KIF26B: variants seen among roughly 807,000 people sequenced by gnomAD.
KIF26B encodes the protein kinesin family member 26B, also known as kinesin-like protein KIF26B.
In KIF26B, 63 loss-of-function variants were observed where a neutral mutation model predicts 151.2. That is an observed-to-expected ratio of 0.42 (90% CI 0.34 to 0.51). KIF26B has a LOEUF of 0.51. KIF26B is among the 20% of genes least tolerant of loss of function. The pLI, the probability that KIF26B is intolerant of heterozygous loss-of-function variation, is 0.07. For synonymous variants in KIF26B, 1,357 were observed against 1,262.1 expected (o/e 1.08, Z -1.59); for missense variants, 2,813 against 2,913.6 (o/e 0.97, Z 0.79).
At chr1:245,262,998 G>GT (rs1670675749) in intron 2 of KIF26B, among the ~76,000 whole-genome samples, 3 of 152,324 alleles carry the variant, frequency 2.0e-5, no homozygotes, top group South Asian at 2.1e-4. Flanking sequence ...GAAAAATTCT[G>GT]TAAGTATTCA....
intron 2 of KIF26B, among the ~76,000 whole-genome samples, chr1:245,229,989 TG>T (rs1276620693): frequency 9.2e-5 from 14 of 151,956 alleles, no homozygotes; most frequent in Non-Finnish European, 1.5e-4. Flanking sequence ...AAAAATTAGC[TG>T]GGCGTGGCGG....
rs564228582 is a variant in KIF26B, at chr1:245,293,311, T to A, written c.466-73523T>A. On this transcript the variant is annotated intron_variant, in intron 2 of 14. Coordinates refer to ENST00000407071, the MANE Select transcript of KIF26B (RefSeq NM_018012.4). ...GATGACACTGGGATTGACACTATGC[T>A]GCAGGAGGGGGTGGTTGACGGCCAC... 3.9e-5 allele frequency among the ~76,000 whole-genome samples: 6 copies of A among 152,218 alleles called. 1 individual carries two copies. In the South Asian group the frequency reaches 1.2e-3, roughly 32 times the overall value.
chr1:245,410,359 G>T (rs1244464816), intron 3 of KIF26B, among the ~76,000 whole-genome samples: 1 of 152,198 alleles, frequency 6.6e-6, no homozygotes, highest in African/African-American at 2.4e-5. Flanking sequence ...TGGTCCTTAT[G>T]ACCACACTCT....
intron 2 of KIF26B, among the ~76,000 whole-genome samples, chr1:245,176,162 G>T (rs527667969): frequency 6.6e-6 from 1 of 151,998 alleles, no homozygotes; most frequent in African/African-American, 2.4e-5. Flanking sequence ...ACCACGCCCA[G>T]CTAATTTTGT....
Position 245,479,011 on chromosome 1 carries a change from G to C in KIF26B, c.1166+59266G>C, listed in dbSNP as rs1278245448. ...GCTGCCATTAAATGAGATGGGGAGG[G>C]GTCCTGAGGGATCAGGAGCGCAGCT... On this transcript the variant is annotated intron_variant, in intron 4 of 14. Coordinates refer to ENST00000407071, the MANE Select transcript of KIF26B (RefSeq NM_018012.4). Among the ~76,000 whole-genome samples, 2 of 151,758 alleles carry C rather than the reference G, an allele frequency of 1.3e-5. 1 individual carries two copies. The highest frequency in any genetic ancestry group is 2.9e-5 in the Non-Finnish European group (2 of 67,816).
intron 4 of KIF26B, among the ~76,000 whole-genome samples, chr1:245,470,592 G>T (rs972433049): frequency 6.6e-6 from 1 of 151,852 alleles, no homozygotes; most frequent in Admixed American, 6.6e-5. Context: ...CACCACGCCC[G>T]GCTAATTTTT....
At chr1:245,360,591 A>G (rs752579663) in intron 2 of KIF26B, among the ~76,000 whole-genome samples, 3 of 152,238 alleles carry the variant, frequency 2.0e-5, no homozygotes, top group Non-Finnish European at 2.9e-5. Flanking sequence ...AGATTTGTGA[A>G]AAATGGCTCC....
intron 2 of KIF26B, among the ~76,000 whole-genome samples, chr1:245,255,405 A>G (rs1405532672): frequency 6.6e-6 from 1 of 152,190 alleles, no homozygotes; most frequent in Non-Finnish European, 1.5e-5. Context: ...ATTCCTGTTG[A>G]GATTCCTGAT....
rs1673680916 is a variant in KIF26B, at chr1:245,390,943, A to AAAAAAAAAACAAAACAAAACAAAAC, written c.999+23586_999+23587insAAAACAAAACAAAACAAAAAAAAAC. Among the ~76,000 whole-genome samples, 77 of 118,434 alleles carry AAAAAAAAAACAAAACAAAACAAAAC rather than the reference A, an allele frequency of 6.5e-4. 5 individuals are homozygous for AAAAAAAAAACAAAACAAAACAAAAC. The highest frequency in any genetic ancestry group is 2.9e-3 in the African/African-American group (70 of 24,424). 77.7% of individuals were successfully genotyped at this position (118,434 alleles called of 152,430 possible). A position where few individuals can be genotyped will look rare whatever the true frequency, so the allele number is the denominator to read the frequency against. ...TCTCAAAAAAAAAAAAAAAAAAAAAAAAAAAAAAACCACCATAAAATTTTG... is the reference window on the plus strand; with the variant it reads ...TCTCAAAAAAAAAAAAAAAAAAAAAAAAAAAAAAACAAAACAAAACAAAACAAAAAAAAACCACCATAAAATTTTG... On this transcript the variant is annotated intron_variant, in intron 3 of 14. Coordinates refer to ENST00000407071, the MANE Select transcript of KIF26B (RefSeq NM_018012.4).
chr1:245,501,054 T>G (rs766032668), intron 4 of KIF26B, among the ~76,000 whole-genome samples: 17 of 152,218 alleles, frequency 1.1e-4, no homozygotes, highest in Middle Eastern at 3.2e-3. Flanking sequence ...TTCAGATGCA[T>G]GATTTTAAAC....
At chr1:245,397,238 AGAGTTTCACTCT>A (rs1673870092) in intron 3 of KIF26B, among the ~76,000 whole-genome samples, 1 of 150,728 alleles carries the variant, frequency 6.6e-6, no homozygotes, top group South Asian at 2.1e-4. Context: ...TTTTTGAGAC[AGAGTTTCACTCT>A]TATTGCCCAG....
Position 245,466,636 on chromosome 1 carries a change from C to T in KIF26B, c.1166+46891C>T, listed in dbSNP as rs1033887940. ...TTCACATGCATGCTTTAAAAACTCT[C>T]TGGTTCCGGCTGGGCGTGGTGGCTC... On this transcript the variant is annotated intron_variant, in intron 4 of 14. Coordinates refer to ENST00000407071, the MANE Select transcript of KIF26B (RefSeq NM_018012.4). Among the ~76,000 whole-genome samples, 22 of 152,206 alleles carry T rather than the reference C, an allele frequency of 1.4e-4. 1 individual carries two copies. The highest frequency in any genetic ancestry group is 5.1e-4 in the African/African-American group (21 of 41,458).
chr1:245,330,942 A>T (rs1037491942), intron 2 of KIF26B, among the ~76,000 whole-genome samples: 2 of 151,876 alleles, frequency 1.3e-5, no homozygotes, highest in Non-Finnish European at 2.9e-5. Flanking sequence ...AAGTCCCCGC[A>T]GAGAGAGAGC....
At chr1:245,432,433 G>C (rs1031184373) in intron 4 of KIF26B, among the ~76,000 whole-genome samples, 1 of 152,178 alleles carries the variant, frequency 6.6e-6, no homozygotes, top group Admixed American at 6.5e-5. Context: ...GATGGGACAA[G>C]GGATGCTGCC....
At chr1:245,532,413 T>G (rs1015004750) in intron 4 of KIF26B, among the ~76,000 whole-genome samples, 6 of 151,792 alleles carry the variant, frequency 4.0e-5, no homozygotes, top group African/African-American at 1.5e-4. Flanking sequence ...GCCCAGCTAA[T>G]TTTTTGTATT....
chr1:245,314,018 T>C (rs185083528), intron 2 of KIF26B, among the ~76,000 whole-genome samples: 1 of 152,314 alleles, frequency 6.6e-6, no homozygotes, highest in East Asian at 1.9e-4. Context: ...TTCCCTCCGC[T>C]TTGAGGTATT....
intron 9 of KIF26B, 78 bp downstream of exon 9, chr1:245,612,054 TTGTGTGTGTGTGTGTGTGTG>T (rs5782359): frequency 3.8e-4 from 258 of 677,704 alleles, no homozygotes; most frequent in South Asian, 2.0e-3. Context: ...ACCATGACCT[TTGTGTGTGTGTGTGTGTGTG>T]TGTGTGTGTG....
rs766451582 is a variant in KIF26B, at chr1:245,686,629, G to C, written c.3646G>C (p.Asp1216His). The change falls in exon 12 of 15, where the codon GAC (aspartate) becomes CAC (histidine). Residue 1216 changes from aspartate to histidine, a missense_variant. Around this residue, in one of 3 missense-constraint regions of KIF26B, gnomAD observed 2,060 missense variants for 2,088.6 expected, o/e 0.99. Transcript: ENST00000407071. The surrounding 1 kb of genome is among the most constrained non-coding windows in gnomAD (Gnocchi z 5.6). ...CACCAGCATCATCAGCTTCAACAGC[G>C]ACTGCTCTGCACGGGCCCTGGCCTC... ...RPTSIISFNS[D>H]CSARALASGS... The C allele has an allele frequency of 2.5e-6, 4 of 1,610,932 alleles. No homozygotes were observed. Among genetic ancestry groups the C allele is most frequent in the Non-Finnish European group, 1.7e-6 (2 of 1,178,960 alleles).
At chr1:245,208,805 G>A (rs1382152829) in intron 2 of KIF26B, among the ~76,000 whole-genome samples, 1 of 152,218 alleles carries the variant, frequency 6.6e-6, no homozygotes, top group African/African-American at 2.4e-5. Flanking sequence ...AATGTAGCAT[G>A]TGTGAGTCGC....
Sources: allele counts gnomAD v4.1 joint callset (sites outside exome capture counted in the v4.1 genomes callset), GRCh38; gene constraint gnomAD v4.1.1; regional missense constraint gnomAD v4.1.1; non-coding constraint Gnocchi (gnomAD v3.1); transcripts MANE v1.5; gene names NCBI Gene and HGNC (gene_info 2026-07-23, HGNC 2026-07-21).